Variants in PDE4C observed in about 807,000 individuals in gnomAD.
PDE4C encodes phosphodiesterase 4C.
Under a neutral mutation model 63.9 loss-of-function variants are expected in PDE4C, and 50 were observed. That is an observed-to-expected ratio of 0.78 (90% confidence interval 0.62 to 0.99). The LOEUF is 0.99. Ranked by LOEUF, PDE4C falls within the 50% of genes least tolerant of loss-of-function variation. PDE4C has a pLI of 0.00. For synonymous variants in PDE4C, 377 were observed against 385.1 expected, an observed-to-expected ratio of 0.98 and a Z score of 0.25; for missense variants, 777 against 899.1, an observed-to-expected ratio of 0.86 and a Z score of 1.74.
At position 18,221,062 on chromosome 19, in the gene PDE4C, T is replaced by C. The variant is rs770800284; in HGVS notation, c.449+43A>G. The C allele has an allele frequency of 1.1e-5, 8 of 731,260 alleles. No individual in the cohort carries two copies. The African/African-American group carries it at 2.2e-4, about 20-fold the overall frequency. The allele number at this position is 731,260 out of a possible 1,614,324, so 45.3% of individuals were successfully genotyped here. A position where few individuals can be genotyped will look rare whatever the true frequency, so the allele number is the denominator to read the frequency against. Reference sequence around the variant, plus strand: ...TGCAGCCCGCTTTCCGCCCACCTTGTCTCTGCCGGCCCCGCCCCCGCCCCG... The same window carrying C: ...TGCAGCCCGCTTTCCGCCCACCTTGCCTCTGCCGGCCCCGCCCCCGCCCCG... On this transcript the variant is annotated intron_variant, in intron 4 of 14. Transcript: ENST00000262805.
At chr19:18,207,986 T>C (rs1309488091), downstream of PDE4C, 2 of 152,224 alleles carry the variant, frequency 1.3e-5, no homozygotes, top group Non-Finnish European at 2.9e-5. Flanking sequence ...CAGAATTTTA[T>C]TTCCTTCTTT....
At chr19:18,244,127 G>A (rs963945154) in intron 1 of PDE4C, among the ~76,000 whole-genome samples, 1 of 151,960 alleles carries the variant, frequency 6.6e-6, no homozygotes, top group African/African-American at 2.4e-5. Flanking sequence ...ACCCACCTCG[G>A]CCTAAAGTGC....
chr19:18,208,609 A>G (rs1967795224), downstream of PDE4C: 1 of 152,112 alleles, frequency 6.6e-6, no homozygotes, highest in Admixed American at 6.6e-5. Context: ...CAGTTTCCTC[A>G]TCAGTGAAAT....
At chr19:18,223,259 G>A (rs1016530104) in intron 1 of PDE4C, among the ~76,000 whole-genome samples, 3 of 147,384 alleles carry the variant, frequency 2.0e-5, no homozygotes, top group African/African-American at 7.6e-5. Context: ...TGCCCAAGCT[G>A]GAGTGCAATG....
At position 18,220,523 on chromosome 19, in the gene PDE4C, C is replaced by T. The variant is rs748963955; in HGVS notation, c.500-8G>A. 1 of 1,600,148 alleles carries T rather than the reference C, an allele frequency of 6.2e-7. No homozygotes were observed. On this transcript the variant is annotated splice_region_variant and splice_polypyrimidine_tract_variant and intron_variant, in intron 5 of 14. Coordinates refer to ENST00000262805, the Ensembl canonical transcript of PDE4C. The surrounding 1 kb of genome is among the most constrained non-coding windows in gnomAD (Gnocchi z 5.1). The stretch of plus-strand genomic sequence containing the variant: ...GCTTCTGCCCCGTGTCCTCTGGGAG[C>T]CGAGGCAGTCAGGGGCCTGCCCAAC...
upstream of PDE4C, chr19:18,250,215 A>G: frequency 2.5e-6 from 1 of 398,882 alleles, no homozygotes. Flanking sequence ...TCAGACACCA[A>G]AAGGCTCTGC....
intron 1 of PDE4C, among the ~76,000 whole-genome samples, chr19:18,225,170 C>A (rs1315481414): frequency 6.6e-6 from 1 of 152,110 alleles, no homozygotes; most frequent in African/African-American, 2.4e-5. Context: ...GGGGTAGAGC[C>A]CCCCGGCTGT....
At chr19:18,244,656 T>C (rs2148071572) in intron 1 of PDE4C, among the ~76,000 whole-genome samples, 1 of 150,484 alleles carries the variant, frequency 6.6e-6, no homozygotes, top group Middle Eastern at 3.4e-3. Context: ...GGGATTACAG[T>C]CATGCACCAC....
At chr19:18,226,490 C>T, upstream of PDE4C, 1 of 1,270,774 alleles carries the variant, frequency 7.9e-7, no homozygotes, top group Non-Finnish European at 1.0e-6. Flanking sequence ...GGGGCGGGGC[C>T]CAGCGGGGAG....
intron 14 of PDE4C, 93 bp downstream of exon 14, chr19:18,211,666 C>T (rs954471642): frequency 1.4e-6 from 2 of 1,430,158 alleles, no homozygotes; most frequent in East Asian, 2.3e-5. Flanking sequence ...CCTGGCTAGC[C>T]AGCCAGGGCC....
chr19:18,242,026 G>T (rs1469092989), intron 1 of PDE4C, among the ~76,000 whole-genome samples: 1 of 152,228 alleles, frequency 6.6e-6, no homozygotes, highest in African/African-American at 2.4e-5. Context: ...CATTGCTGGG[G>T]TGAGTTAGGG....
chr19:18,242,720 G>C (rs896834473), intron 1 of PDE4C, among the ~76,000 whole-genome samples: 8 of 151,020 alleles, frequency 5.3e-5, no homozygotes, highest in Non-Finnish European at 1.0e-4. Flanking sequence ...GGGAGGTGGA[G>C]GTTTCAGTGA....
chr19:18,215,215 G>A (rs1968138665), intron 12 of PDE4C, among the ~76,000 whole-genome samples: 1 of 152,096 alleles, frequency 6.6e-6, no homozygotes, highest in South Asian at 2.1e-4. Context: ...TCCCTCTGCT[G>A]AGAACACAGC....
chr19:18,223,125 C>T (rs947652208), intron 1 of PDE4C, among the ~76,000 whole-genome samples: 1 of 152,098 alleles, frequency 6.6e-6, no homozygotes, highest in Non-Finnish European at 1.5e-5. Flanking sequence ...TCACTGCAAC[C>T]TCCACCTCCC....
chr19:18,218,665 C>G lies in PDE4C; in HGVS notation c.970-167G>C, dbSNP rs112119205. On this transcript the variant is annotated intron_variant, in intron 9 of 14. Coordinates refer to ENST00000262805, the Ensembl canonical transcript of PDE4C. Reference sequence around the variant, plus strand: ...CACTCTGTGTTATTTGGTGGTCCATCCCTGACCCTACAGGACTGGGGGTGT... The same window carrying G: ...CACTCTGTGTTATTTGGTGGTCCATGCCTGACCCTACAGGACTGGGGGTGT... Among the ~76,000 whole-genome samples the G allele has an allele frequency of 2.0e-4, 31 of 152,362 alleles. 1 individual carries two copies. Among genetic ancestry groups the G allele is most frequent in the African/African-American group, 7.0e-4 (29 of 41,582 alleles).
At chr19:18,215,624 CCT>C (rs1467756509) in intron 12 of PDE4C, among the ~76,000 whole-genome samples, 2 of 151,766 alleles carry the variant, frequency 1.3e-5, no homozygotes, top group African/African-American at 2.4e-5. Context: ...AAATGATTCT[CCT>C]GACTCAGCCT....
At chr19:18,213,134 A>G (rs531573579) in intron 13 of PDE4C, among the ~76,000 whole-genome samples, 3 of 151,238 alleles carry the variant, frequency 2.0e-5, no homozygotes, top group South Asian at 4.2e-4. Context: ...TACAAAAAAA[A>G]TTAGCTGGGC....
upstream of PDE4C, among the ~76,000 whole-genome samples, chr19:18,233,848 G>A (rs1391212962): frequency 6.6e-6 from 1 of 152,184 alleles, no homozygotes; most frequent in Non-Finnish European, 1.5e-5. Context: ...TGGCAACAAG[G>A]AGTCTGGAAG....
exon 14 of PDE4C, chr19:18,211,816 C>T (rs141956114): frequency 2.7e-5 from 44 of 1,614,116 alleles, no homozygotes; most frequent in Admixed American, 1.2e-4. Flanking sequence ...TGTCCAGGCC[C>T]GACTCACGCT....
Sources: allele counts gnomAD v4.1 joint callset (sites outside exome capture counted in the v4.1 genomes callset), GRCh38; gene constraint gnomAD v4.1.1; non-coding constraint Gnocchi (gnomAD v3.1); transcripts MANE v1.5; gene names NCBI Gene and HGNC (gene_info 2026-07-23, HGNC 2026-07-21).